Variants in PCDH15 observed in about 807,000 individuals in gnomAD.
The protein encoded by PCDH15 is protocadherin-15.
Under a neutral mutation model 178.5 loss-of-function variants are expected in PCDH15, and 129 were observed. The ratio of observed to expected loss-of-function variants is 0.72; its 90% confidence interval spans 0.63 to 0.84. PCDH15 has a LOEUF of 0.84. Ranked by LOEUF, PCDH15 falls within the 40% of genes least tolerant of loss-of-function variation. The pLI, the probability that PCDH15 is intolerant of heterozygous loss-of-function variation, is 0.00. For synonymous variants in PCDH15, 800 were observed against 732.0 expected, an observed-to-expected ratio of 1.09 and a Z score of -1.50; for missense variants, 2,230 against 2,099.9, an observed-to-expected ratio of 1.06 and a Z score of -1.21.
chr10:54,454,051 G>T (rs1216258551), intron 3 of PCDH15, among the ~76,000 whole-genome samples: 1 of 150,548 alleles, frequency 6.6e-6, no homozygotes, highest in East Asian at 1.9e-4. Context: ...ATATAATAGA[G>T]ATTAAATATA....
At chr10:54,029,564 C>T (rs552227357) in intron 18 of PCDH15, among the ~76,000 whole-genome samples, 3 of 152,030 alleles carry the variant, frequency 2.0e-5, no homozygotes, top group Admixed American at 2.0e-4. Flanking sequence ...GAATAATTGC[C>T]AGAAACACCA....
At chr10:54,959,940 G>A (rs1426692609) in intron 2 of PCDH15, among the ~76,000 whole-genome samples, 1 of 152,086 alleles carries the variant, frequency 6.6e-6, no homozygotes, top group Non-Finnish European at 1.5e-5. Context: ...AGGCAATTAT[G>A]TTTAGAGACA....
At chr10:54,188,504 A>G (rs529192121) in intron 11 of PCDH15, among the ~76,000 whole-genome samples, 1 of 151,998 alleles carries the variant, frequency 6.6e-6, no homozygotes, top group South Asian at 2.1e-4. Context: ...ACATTAGGTA[A>G]TATTTATTTT....
chr10:55,015,460 G>C (rs779940270), intron 2 of PCDH15, among the ~76,000 whole-genome samples: 1 of 152,066 alleles, frequency 6.6e-6, no homozygotes, highest in African/African-American at 2.4e-5. Flanking sequence ...AGTGTATTTA[G>C]GAGGTGGGTT....
At chr10:54,085,379 T>C (rs1401041727) in intron 16 of PCDH15, among the ~76,000 whole-genome samples, 1 of 152,176 alleles carries the variant, frequency 6.6e-6, no homozygotes, top group East Asian at 1.9e-4. Flanking sequence ...ACAGACCCCA[T>C]GCTTCAGTGA....
At chr10:54,315,804 T>C (rs1469206290) in intron 8 of PCDH15, among the ~76,000 whole-genome samples, 1 of 152,132 alleles carries the variant, frequency 6.6e-6, no homozygotes, top group Non-Finnish European at 1.5e-5. Context: ...GCCACTACTT[T>C]TGTCAGCTTT....
chr10:54,254,682 T>A (rs112053003), intron 8 of PCDH15, among the ~76,000 whole-genome samples: 1 of 152,164 alleles, frequency 6.6e-6, no homozygotes, highest in Non-Finnish European at 1.5e-5. Context: ...TTGGTTTTAA[T>A]GTTTGAAATT....
At position 54,020,290 on chromosome 10, in the gene PCDH15, A is replaced by G; in HGVS notation, c.2653T>C (p.Phe885Leu). Residue 885 changes from phenylalanine (F) to leucine (L), a missense_variant, in exon 20 of 38, where the codon TTT (phenylalanine) becomes CTT (leucine). Transcript: ENST00000644397. ...SLLRSLDYEA[F>L]PDQEASITFL... ...GTGATACTTGCTTCTTGGTCTGGAA[A>G]TGCCTCATAATCTAAACTCCTTAAA... 6.2e-7 allele frequency: 1 copy of G among 1,613,800 alleles called. No homozygotes were observed. Among genetic ancestry groups the G allele is most frequent in the South Asian group, 1.1e-5 (1 of 91,072 alleles).
At chr10:55,516,109 C>G (rs896068026) in intron 2 of PCDH15, among the ~76,000 whole-genome samples, 1 of 152,030 alleles carries the variant, frequency 6.6e-6, no homozygotes, top group Non-Finnish European at 1.5e-5. Flanking sequence ...TGTGTCCCCA[C>G]CCAACTCTCA....
At chr10:54,229,338 T>A (rs2053811540) in intron 9 of PCDH15, among the ~76,000 whole-genome samples, 2 of 152,218 alleles carry the variant, frequency 1.3e-5, no homozygotes, top group African/African-American at 4.8e-5. Context: ...ATTTAATGAC[T>A]GATAAAATAC....
At chr10:54,254,478 T>C (rs2056749661) in intron 8 of PCDH15, among the ~76,000 whole-genome samples, 1 of 152,134 alleles carries the variant, frequency 6.6e-6, no homozygotes, top group Non-Finnish European at 1.5e-5. Context: ...ATAAAACATT[T>C]GGCAGAGCAT....
At position 54,840,107 on chromosome 10, in the gene PCDH15, T is replaced by C. The variant is rs898938479; in HGVS notation, c.-29+57343A>G. Among the ~76,000 whole-genome samples the C allele has an allele frequency of 4.6e-5, 7 of 151,992 alleles. No homozygotes were observed. The South Asian group carries it at 1.2e-3, about 27-fold the overall frequency. On this transcript the variant is annotated intron_variant, in intron 3 of 5. Transcript: ENST00000458638. ...CACTAAGTAACAACACGAAAATATATGAAAGTTTCAAACTCACTGGTATAG... is the reference window on the plus strand; with the variant it reads ...CACTAAGTAACAACACGAAAATATACGAAAGTTTCAAACTCACTGGTATAG...
chr10:54,729,491 TG>T (rs1219288968), intron 1 of PCDH15, among the ~76,000 whole-genome samples: 1 of 151,442 alleles, frequency 6.6e-6, no homozygotes, highest in Non-Finnish European at 1.5e-5. Context: ...ACATTGTCCC[TG>T]GCAAGGATTT....
chr10:54,558,874 T>G (rs940434957), intron 2 of PCDH15, among the ~76,000 whole-genome samples: 2 of 152,128 alleles, frequency 1.3e-5, no homozygotes, highest in Non-Finnish European at 2.9e-5. Flanking sequence ...TATACTATTT[T>G]GTATACATGT....
intron 2 of PCDH15, among the ~76,000 whole-genome samples, chr10:55,062,515 A>G (rs1052026808): frequency 6.6e-6 from 1 of 152,212 alleles, no homozygotes; most frequent in African/African-American, 2.4e-5. Flanking sequence ...GATTCCACCT[A>G]TATGACATGC....
At chr10:54,000,553 A>G (rs2092083887) in intron 20 of PCDH15, among the ~76,000 whole-genome samples, 1 of 152,064 alleles carries the variant, frequency 6.6e-6, no homozygotes, top group African/African-American at 2.4e-5. Context: ...TGAAGAATGC[A>G]TCAGTTTTTT....
At chr10:53,991,850 T>C (rs951010831) in intron 21 of PCDH15, among the ~76,000 whole-genome samples, 3 of 151,752 alleles carry the variant, frequency 2.0e-5, no homozygotes, top group South Asian at 2.1e-4. Context: ...CAGCTCTCTG[T>C]AAAATGGACC....
chr10:55,395,436 C>A (rs927918606), intron 2 of PCDH15, among the ~76,000 whole-genome samples: 5 of 152,002 alleles, frequency 3.3e-5, no homozygotes, highest in African/African-American at 1.2e-4. Context: ...CAGACCATTG[C>A]TTCCTAGTTT....
intron 2 of PCDH15, among the ~76,000 whole-genome samples, chr10:55,571,927 TAA>T (rs1842413341): frequency 1.3e-5 from 2 of 152,108 alleles, no homozygotes; most frequent in Non-Finnish European, 2.9e-5. Context: ...AAGAATGACA[TAA>T]GTCTGCTAGG....
Sources: allele counts gnomAD v4.1 joint callset (sites outside exome capture counted in the v4.1 genomes callset), GRCh38; gene constraint gnomAD v4.1.1; transcripts MANE v1.5; gene names NCBI Gene and HGNC (gene_info 2026-07-23, HGNC 2026-07-21).